Variants in KCP observed in about 807,000 individuals in gnomAD.
The protein encoded by KCP is kielin cysteine rich BMP regulator.
In KCP, 194 loss-of-function variants were observed where a neutral mutation model predicts 212.7. That is an observed-to-expected ratio of 0.91 (90% CI 0.81 to 1.03). The LOEUF is 1.03. KCP is among the 50% of genes least tolerant of loss of function. The pLI is 0.00. For synonymous variants in KCP, 833 were observed against 865.3 expected, an observed-to-expected ratio of 0.96 and a Z score of 0.65; for missense variants, 2,080 against 2,162.5, an observed-to-expected ratio of 0.96 and a Z score of 0.76.
chr7:128,879,344 T>C lies in KCP; in HGVS notation c.4146+178A>G, dbSNP rs932501535. ...TCGGGCTCAGAACTCAGAACTCCTC[T>C]GACTGCCTGGGGAGATCTCTGACCC... On this transcript the variant is annotated intron_variant, in intron 37 of 39. Transcript: ENST00000610776. The C allele has an allele frequency of 5.0e-6, 3 of 597,624 alleles. No individual in the cohort carries two copies. The African/African-American group carries it at 5.6e-5, about 11-fold the overall frequency. 37.0% of individuals were successfully genotyped at this position (597,624 alleles called of 1,614,324 possible). A position where few individuals can be genotyped will look rare whatever the true frequency, so the allele number is the denominator to read the frequency against.
At chr7:128,908,247 G>GAAA (rs1795238133) in intron 2 of KCP, among the ~76,000 whole-genome samples, 179 bp downstream of exon 2, 2 of 87,210 alleles carry the variant, frequency 2.3e-5, no homozygotes, top group Non-Finnish European at 4.5e-5. Flanking sequence ...AAGGAAGAAA[G>GAAA]AAAGAAGAAA....
At position 128,893,598 on chromosome 7, in the gene KCP, C is replaced by T; in HGVS notation, c.1100-122G>A. On this transcript the variant is annotated intron_variant, in intron 11 of 39. Coordinates refer to ENST00000610776, the MANE Select transcript of KCP (RefSeq NM_001366122.1). ...GACCCAGCCGAGTTCTCCAGGGCGC[C>T]CTGCCAGCAGCCCCCTGCCCCCCAC... 3.1e-6 allele frequency: 3 copies of T among 983,248 alleles called. No homozygotes were observed. The South Asian group carries it at 4.6e-5, about 15-fold the overall frequency. The allele number at this position is 983,248 out of a possible 1,614,324, so 60.9% of individuals were successfully genotyped here.
chr7:128,891,275 C>T lies in KCP; in HGVS notation c.1882G>A (p.Gly628Ser), dbSNP rs1469705894. Reference protein sequence around the residue: ...DPCRLCRCLSGNVQCLARRCV... With the variant: ...DPCRLCRCLSSNVQCLARRCV... ...CGGCGGGCCAGGCACTGCACGTTGCCGCTCTACGGACCGACAGACGCACCA... is the reference window on the plus strand; with the variant it reads ...CGGCGGGCCAGGCACTGCACGTTGCTGCTCTACGGACCGACAGACGCACCA... The change falls in exon 19 of 40, where the codon GGC (glycine) becomes AGC (serine). Residue 628 changes from glycine (G) to serine (S), a missense_variant. By Grantham distance (56) the Gly-to-Ser change is moderately conservative (BLOSUM62 0). Coordinates refer to ENST00000610776, the MANE Select transcript of KCP (RefSeq NM_001366122.1). 5 of 1,547,182 alleles carry T rather than the reference C, an allele frequency of 3.2e-6. No individual in the cohort carries two copies. Among genetic ancestry groups the T allele is most frequent in the East Asian group, 4.9e-5 (2 of 40,906 alleles).
intron 2 of KCP, 147 bp downstream of exon 2, chr7:128,908,279 A>AAAGAAAGAAAGAAAGAAAGT (rs1563057071): frequency 5.3e-6 from 3 of 562,564 alleles, no homozygotes; most frequent in African/African-American, 3.9e-5. Flanking sequence ...AGAAAGAAAG[A>AAAGAAAGAAAGAAAGAAAGT]AAGAAAGAAA....
chr7:128,889,149 T>TTGG, intron 21 of KCP, 110 bp from the exon 22 acceptor site: 1 of 561,338 alleles, frequency 1.8e-6, no homozygotes, highest in Non-Finnish European at 2.4e-6. Flanking sequence ...CTCAAAGATC[T>TTGG]AGCGTGGGGG....
intron 21 of KCP, 55 bp from the exon 22 acceptor site, chr7:128,889,094 C>A: frequency 7.3e-7 from 1 of 1,369,244 alleles, no homozygotes. Flanking sequence ...GATGAGAGGG[C>A]AGTGGTCATA....
At chr7:128,908,252 A>AAGAAAGAAAGAAAGAG in intron 2 of KCP, among the ~76,000 whole-genome samples, 174 bp downstream of exon 2, 1 of 2,966 alleles carries the variant, frequency 3.4e-4, no homozygotes. Flanking sequence ...AGAAAGAAAG[A>AAGAAAGAAAGAAAGAG]AGAAAGAAAG....
At position 128,879,709 on chromosome 7, in the gene KCP, T is replaced by A; in HGVS notation, c.4044+9A>T. 6.5e-7 allele frequency: 1 copy of A among 1,550,128 alleles called. No homozygotes were observed. The highest frequency in any genetic ancestry group is 8.7e-7 in the Non-Finnish European group (1 of 1,146,910). ...GATCCACCTTCCTCCACTCCTCGGC[T>A]TTGCTCACCGTGACTGCCCCGTCCT... is the stretch of plus-strand genomic sequence containing the variant. On this transcript the variant is annotated intron_variant, in intron 36 of 39. Coordinates refer to ENST00000610776, the MANE Select transcript of KCP (RefSeq NM_001366122.1).
At chr7:128,901,696 G>C (rs1460336086) in intron 8 of KCP, among the ~76,000 whole-genome samples, 1 of 152,086 alleles carries the variant, frequency 6.6e-6, no homozygotes, top group Non-Finnish European at 1.5e-5. Flanking sequence ...TCTTGCGCGA[G>C]ATCCAAGAAC....
chr7:128,897,003 A>G (rs1285729091), intron 8 of KCP, among the ~76,000 whole-genome samples: 2 of 150,096 alleles, frequency 1.3e-5, no homozygotes, highest in East Asian at 3.9e-4. Flanking sequence ...TGCCTTTCCC[A>G]CTCTGCCTCA....
Position 128,891,215 on chromosome 7 carries a change from G to T in KCP, c.1942C>A (p.Leu648Met). 6.5e-7 allele frequency: 1 copy of T among 1,545,424 alleles called. No homozygotes were observed. The highest frequency in any genetic ancestry group is 1.2e-5 in the South Asian group (1 of 84,030). The change falls in exon 19 of 40, where the codon CTG becomes ATG. Residue 648 changes from leucine to methionine, a missense_variant. Leu to Met is a conservative substitution (Grantham distance 15, BLOSUM62 2). Transcript: ENST00000610776. ...CACTGCGGGCAGCACTCTCCCGGCA[G>T]CAGGACAGGCTCTGGACAGGGCAGC... is the stretch of plus-strand genomic sequence containing the variant. ...VPLPCPEPVL[L>M]PGECCPQCPA...
chr7:128,903,566 G>A (rs752700128), intron 7 of KCP, among the ~76,000 whole-genome samples, 161 bp downstream of exon 7: 2 of 152,204 alleles, frequency 1.3e-5, no homozygotes, highest in African/African-American at 2.4e-5. Flanking sequence ...GAGGAAGAGA[G>A]TCACACAAGC....
chr7:128,885,307 T>A, intron 26 of KCP, 37 bp from the exon 27 acceptor site: 1 of 1,513,210 alleles, frequency 6.6e-7, no homozygotes, highest in Non-Finnish European at 8.9e-7. Context: ...GCTCGGAGGT[T>A]GAGATCTGGA....
Position 128,910,690 on chromosome 7 carries a change from C to T in KCP, c.-14G>A. ...GACCCCGGCCATGCTAGCTCCGCCT[C>T]GCTCGGCTCGCCGTCTGTCGTCGCG... On this transcript the variant is annotated 5_prime_UTR_variant, in exon 1 of 40. Coordinates refer to ENST00000610776, the MANE Select transcript of KCP (RefSeq NM_001366122.1). 1 of 1,484,234 alleles carries T rather than the reference C, an allele frequency of 6.7e-7. No homozygotes were observed. The highest frequency in any genetic ancestry group is 8.9e-7 in the Non-Finnish European group (1 of 1,123,772). 91.9% of individuals were successfully genotyped at this position (1,484,234 alleles called of 1,614,324 possible). A position where few individuals can be genotyped will look rare whatever the true frequency, so the allele number is the denominator to read the frequency against.
In KCP at chr7:128,878,422, A is replaced by C. The variant is rs116673011; in HGVS notation, c.4311+136T>G. On this transcript the variant is annotated intron_variant, in intron 38 of 39. Coordinates refer to ENST00000610776, the MANE Select transcript of KCP (RefSeq NM_001366122.1). The stretch of plus-strand genomic sequence containing the variant: ...ACCAAGACAGGCAAGAAGCCCCCAC[A>C]CCTCCCTGAAAGCCCAAAAGCCTAT... The C allele has an allele frequency of 1.7e-3, 1,647 of 962,836 alleles. 22 individuals are homozygous for C. The African/African-American group carries it at 0.025, about 14-fold the overall frequency. The allele number at this position is 962,836 out of a possible 1,614,324, so 59.6% of individuals were successfully genotyped here. A position where few individuals can be genotyped will look rare whatever the true frequency, so the allele number is the denominator to read the frequency against.
intron 2 of KCP, 87 bp from the exon 3 acceptor site, chr7:128,907,540 A>G: frequency 1.0e-6 from 1 of 980,896 alleles, no homozygotes; most frequent in Non-Finnish European, 1.4e-6. Context: ...ATGAGGCAGG[A>G]TGAGAAAGAA....
At position 128,877,280 on chromosome 7, in the gene KCP, C is replaced by A; in HGVS notation, c.4650G>T (p.Val1550=). The A allele has an allele frequency of 6.6e-7, 1 of 1,509,694 alleles. No homozygotes were observed. The highest frequency in any genetic ancestry group is 1.3e-5 in the South Asian group (1 of 77,478). 93.5% of individuals were successfully genotyped at this position (1,509,694 alleles called of 1,614,324 possible). Residue 1550 remains valine (V), a synonymous_variant, in exon 40 of 40, where the codon GTG becomes GTT. Coordinates refer to ENST00000610776, the MANE Select transcript of KCP (RefSeq NM_001366122.1). ...GACAGGGTGGGCCGCACTCATCAAA[C>A]ACGAAGCCACGCTCCAGGGGGCAGC... is the stretch of plus-strand genomic sequence containing the variant. ...VVGCPLERGF[V]FDECGPPCPR...
At chr7:128,897,508 T>C (rs1238254023) in intron 8 of KCP, among the ~76,000 whole-genome samples, 1 of 152,246 alleles carries the variant, frequency 6.6e-6, no homozygotes. Flanking sequence ...CTTTAACTAA[T>C]TGGTTTAATA....
chr7:128,887,010 T>C (rs1309394274), intron 23 of KCP, 44 bp from the exon 24 acceptor site: 1 of 1,129,752 alleles, frequency 8.9e-7, no homozygotes, highest in South Asian at 1.3e-5. Flanking sequence ...GACTGCACAT[T>C]TCCCCAGGGC....
Sources: allele counts gnomAD v4.1 joint callset (sites outside exome capture counted in the v4.1 genomes callset), GRCh38; gene constraint gnomAD v4.1.1; transcripts MANE v1.5; gene names NCBI Gene and HGNC (gene_info 2026-07-23, HGNC 2026-07-21).